The following PEBP1 variants were observed in gnomAD, a reference collection of about 807,000 sequenced individuals.
The protein encoded by PEBP1 is phosphatidylethanolamine-binding protein 1.
In PEBP1, 17 loss-of-function variants were observed where a neutral mutation model predicts 22.7. The ratio of observed to expected loss-of-function variants is 0.75; its 90% CI spans 0.51 to 1.12. The LOEUF is 1.12. Among genes scored for constraint, PEBP1 ranks in the 50% most tolerant of loss-of-function variants. The pLI, the probability that PEBP1 is intolerant of heterozygous loss-of-function variation, is 0.00. For missense variants in PEBP1, 205 were observed against 243.5 expected (o/e 0.84, Z 1.05); for synonymous variants, 106 against 104.3 (o/e 1.02, Z -0.10).
Position 118,144,852 on chromosome 12 carries a change from C to A in PEBP1, c.*49C>A. On this transcript the variant is annotated 3_prime_UTR_variant, in exon 4 of 4. Transcript: ENST00000261313. ...TGTCCTGGAGGCCCCAAGCCATGTT[C>A]CCCAGTTCAGTGTTGCATGTATAAT... The A allele has an allele frequency of 6.2e-7, 1 of 1,611,552 alleles. No individual in the cohort carries two copies. Among genetic ancestry groups the A allele is most frequent in the Non-Finnish European group, 8.5e-7 (1 of 1,179,898 alleles).
intron 1 of PEBP1, among the ~76,000 whole-genome samples, chr12:118,137,289 C>G (rs933514404): frequency 1.1e-4 from 17 of 152,102 alleles, no homozygotes; most frequent in Admixed American, 9.8e-4. Flanking sequence ...GAATCCCAGC[C>G]TTATCTGTTT....
rs762982697 is a variant in PEBP1 at position 118,144,826 on chromosome 12, C to T, written c.*23C>T. 28 of 1,613,358 alleles carry T rather than the reference C, an allele frequency of 1.7e-5. No individual in the cohort carries two copies. In the Middle Eastern group the frequency reaches 8.2e-4, roughly 47 times the overall value. On this transcript the variant is annotated 3_prime_UTR_variant, in exon 4 of 4. Coordinates refer to ENST00000261313, the MANE Select transcript of PEBP1 (RefSeq NM_002567.4). ...TAGGGGGTTAGCTTGGGGACCTGAA[C>T]TGTCCTGGAGGCCCCAAGCCATGTT...
rs575164664 is a variant in PEBP1 at position 118,139,969 on chromosome 12, G to T, written c.346+418G>T. Among the ~76,000 whole-genome samples, 17 of 152,144 alleles carry T rather than the reference G, an allele frequency of 1.1e-4. No individual in the cohort carries two copies. In the South Asian group the frequency reaches 3.5e-3, roughly 32 times the overall value. Reference sequence around the variant, plus strand: ...ATAGTTTCCAAATTAACTATATAAGGTTGCTTTCTGTATTTGTTTCTGAAA... The same window carrying T: ...ATAGTTTCCAAATTAACTATATAAGTTTGCTTTCTGTATTTGTTTCTGAAA... On this transcript the variant is annotated intron_variant, in intron 3 of 3. Transcript: ENST00000261313.
intron 3 of PEBP1, 108 bp from the exon 4 acceptor site, chr12:118,144,478 A>G: frequency 9.8e-7 from 1 of 1,017,986 alleles, no homozygotes; most frequent in Non-Finnish European, 1.5e-6. Context: ...CTCCTTGTAA[A>G]TGGTGTGGTC....
At chr12:118,138,189 A>G (rs2034083588) in intron 2 of PEBP1, 41 bp downstream of exon 2, 1 of 1,351,678 alleles carries the variant, frequency 7.4e-7, no homozygotes, top group Non-Finnish European at 1.1e-6. Flanking sequence ...TCATGCAGAG[A>G]TGAGTTATCG....
chr12:118,140,412 A>G (rs74818854), intron 3 of PEBP1, among the ~76,000 whole-genome samples: 3,639 of 152,260 alleles, frequency 0.024, 106 homozygotes, highest in East Asian at 0.069. Flanking sequence ...ACGCATGCAT[A>G]GTAGATGGTA....
In PEBP1 at chr12:118,136,487, C is replaced by G; in HGVS notation, c.135+143C>G. On this transcript the variant is annotated intron_variant, in intron 1 of 3. Coordinates refer to ENST00000261313, the MANE Select transcript of PEBP1 (RefSeq NM_002567.4). This position sits in a 1 kb window ranked among gnomAD's most constrained non-coding sequence, Gnocchi z 5.6. ...TCGAGGCCCCCCCAGGCCAGAGGTCCCGGGGTCCATGTCCCATGCCTGGGG... is the reference window on the plus strand; with the variant it reads ...TCGAGGCCCCCCCAGGCCAGAGGTCGCGGGGTCCATGTCCCATGCCTGGGG... 9.5e-7 allele frequency: 1 copy of G among 1,050,212 alleles called. No individual in the cohort carries two copies. The highest frequency in any genetic ancestry group is 1.7e-5 in the South Asian group (1 of 58,946). 65.1% of individuals were successfully genotyped at this position (1,050,212 alleles called of 1,614,324 possible).
At chr12:118,138,200 G>C in intron 2 of PEBP1, 52 bp downstream of exon 2, 1 of 1,215,870 alleles carries the variant, frequency 8.2e-7, no homozygotes, top group African/African-American at 1.5e-5. Context: ...TGAGTTATCG[G>C]GTGTAAGTCC....
chr12:118,139,364 A>G (rs1304252875), intron 2 of PEBP1, 87 bp from the exon 3 acceptor site: 2 of 847,112 alleles, frequency 2.4e-6, no homozygotes, highest in Non-Finnish European at 4.0e-6. Flanking sequence ...TGTGGCAGCC[A>G]GCATGTTCTT....
In PEBP1 at chr12:118,145,021, T is replaced by G; in HGVS notation, c.*218T>G. On this transcript the variant is annotated 3_prime_UTR_variant, in exon 4 of 4. Transcript: ENST00000261313. ...TGTTTTGATCAAATTTGAACTTCAT[T>G]TTGGGGGGTATTTTGGTACTGTGAT... 1 of 1,497,824 alleles carries G rather than the reference T, an allele frequency of 6.7e-7. No homozygotes were observed. The allele number at this position is 1,497,824 out of a possible 1,614,324, so 92.8% of individuals were successfully genotyped here.
chr12:118,139,387 C>T (rs938655214), intron 2 of PEBP1, 64 bp from the exon 3 acceptor site: 15 of 1,077,288 alleles, frequency 1.4e-5, no homozygotes, highest in Non-Finnish European at 2.2e-5. Flanking sequence ...TGCCCAGTTG[C>T]TGACTGTGCA....
Position 118,139,490 on chromosome 12 carries a change from T to G in PEBP1, c.285T>G (p.Asn95Lys). The change falls in exon 3 of 4, where the codon AAT (asparagine) becomes AAG (lysine). Residue 95 changes from asparagine (N) to lysine (K), a missense_variant. Asn to Lys is a moderately conservative substitution (Grantham distance 94, BLOSUM62 0). Transcript: ENST00000261313. ...HHFLVVNMKGNDISSGTVLSD... is the reference protein window; with the variant it reads ...HHFLVVNMKGKDISSGTVLSD... ...TCCTGGTGGTCAACATGAAGGGCAATGACATCAGCAGTGGCACAGTCCTCT... is the reference window on the plus strand; with the variant it reads ...TCCTGGTGGTCAACATGAAGGGCAAGGACATCAGCAGTGGCACAGTCCTCT... 6.2e-7 allele frequency: 1 copy of G among 1,613,290 alleles called. No homozygotes were observed. Among genetic ancestry groups the G allele is most frequent in the East Asian group, 2.2e-5 (1 of 44,856 alleles).
Position 118,139,486 on chromosome 12 carries a change from G to T in PEBP1, c.281G>T (p.Gly94Val). 6.2e-7 allele frequency: 1 copy of T among 1,613,140 alleles called. No individual in the cohort carries two copies. Among genetic ancestry groups the T allele is most frequent in the Non-Finnish European group, 8.5e-7 (1 of 1,179,752 alleles). ...CATTTCCTGGTGGTCAACATGAAGG[G>T]CAATGACATCAGCAGTGGCACAGTC... ...WHHFLVVNMK[G>V]NDISSGTVLS... The change falls in exon 3 of 4, where the codon GGC becomes GTC. Residue 94 changes from glycine to valine, a missense_variant. Gly to Val is a moderately radical substitution (Grantham distance 109, BLOSUM62 -3). Coordinates refer to ENST00000261313, the MANE Select transcript of PEBP1 (RefSeq NM_002567.4).
chr12:118,140,956 G>A (rs1273293572), intron 3 of PEBP1, among the ~76,000 whole-genome samples: 1 of 152,168 alleles, frequency 6.6e-6, no homozygotes. Context: ...GAAGGGTTCA[G>A]TCAGCAAATG....
rs2034095920 is a variant in PEBP1 at position 118,139,469 on chromosome 12, G to A, written c.264G>A (p.Leu88=). Residue 88 remains leucine (L), a synonymous_variant, in exon 3 of 4, where the codon CTG becomes CTA. Transcript: ENST00000261313. Reference sequence around the variant, plus strand: ...CATGCAGAGAATGGCATCATTTCCTGGTGGTCAACATGAAGGGCAATGACA... The same window carrying A: ...CATGCAGAGAATGGCATCATTTCCTAGTGGTCAACATGAAGGGCAATGACA... The part of the protein sequence containing the change: ...DPKYREWHHF[L]VVNMKGNDIS... 4 of 1,612,290 alleles carry A rather than the reference G, an allele frequency of 2.5e-6. No individual in the cohort carries two copies. The Admixed American group carries it at 6.7e-5, about 27-fold the overall frequency.
At chr12:118,141,460 A>T (rs753973738) in intron 3 of PEBP1, among the ~76,000 whole-genome samples, 10 of 152,166 alleles carry the variant, frequency 6.6e-5, no homozygotes, top group Admixed American at 6.5e-4. Context: ...TGGACCAGGC[A>T]CGGTGGCTCA....
intron 3 of PEBP1, among the ~76,000 whole-genome samples, chr12:118,142,718 C>G (rs565522362): frequency 6.6e-6 from 1 of 151,604 alleles, no homozygotes; most frequent in East Asian, 2.0e-4. Context: ...CTCAAGTGAT[C>G]CACCTGCCTT....
intron 3 of PEBP1, among the ~76,000 whole-genome samples, chr12:118,141,881 G>A (rs1312491081): frequency 6.6e-6 from 1 of 152,158 alleles, no homozygotes; most frequent in African/African-American, 2.4e-5. Flanking sequence ...TGGTGAACAG[G>A]CCAGTTTGTT....
intron 3 of PEBP1, among the ~76,000 whole-genome samples, chr12:118,144,275 A>G (rs2034137583): frequency 6.6e-6 from 1 of 151,978 alleles, no homozygotes; most frequent in South Asian, 2.1e-4. Flanking sequence ...AGGCGAGGAT[A>G]AGGGGGTGCA....
Sources: allele counts gnomAD v4.1 joint callset (sites outside exome capture counted in the v4.1 genomes callset), GRCh38; gene constraint gnomAD v4.1.1; non-coding constraint Gnocchi (gnomAD v3.1); transcripts MANE v1.5; gene names NCBI Gene and HGNC (gene_info 2026-07-23, HGNC 2026-07-21).